The following ATM variants were observed in gnomAD, a reference collection of about 807,000 sequenced individuals.
ATM encodes the protein serine-protein kinase ATM.
ATM carries 308 observed loss-of-function variants against 387.0 expected under a neutral mutation model. The ratio of observed to expected loss-of-function variants is 0.80; its 90% CI spans 0.73 to 0.87. The LOEUF is 0.87. Ranked by LOEUF, ATM falls within the 40% of genes least tolerant of loss-of-function variation. ATM has a pLI of 0.00. For synonymous variants in ATM, 1,156 were observed against 1,187.3 expected (o/e 0.97, Z 0.54); for missense variants, 3,312 against 3,560.9 (o/e 0.93, Z 1.78).
chr11:108,330,465 C>T (rs775822418), intron 50 of ATM, 44 bp downstream of exon 50: 1 of 1,593,032 alleles, frequency 6.3e-7, no homozygotes, highest in South Asian at 1.1e-5. Flanking sequence ...GCTTGAAAAA[C>T]TTAGACATAA....
In ATM at chr11:108,327,643, A is replaced by T. The variant is rs587782403; in HGVS notation, c.6976-2A>T. ...TTTTAAGATTTTGCCTTTCTTATAC[A>T]GAACAATCCCAGCCTAAAACTTACA... is the stretch of plus-strand genomic sequence containing the variant. On this transcript the variant is annotated splice_acceptor_variant, in intron 47 of 62. Coordinates refer to ENST00000675843, the MANE Select transcript of ATM (RefSeq NM_000051.4). LOFTEE classifies it high-confidence loss of function. 6.2e-7 allele frequency: 1 copy of T among 1,612,802 alleles called. No individual in the cohort carries two copies. The highest frequency in any genetic ancestry group is 1.7e-5 in the Admixed American group (1 of 59,998).
chr11:108,233,569 CAAAAAAAAAA>C (rs531411723), intron 4 of ATM, among the ~76,000 whole-genome samples: 2 of 50,922 alleles, frequency 3.9e-5, no homozygotes, highest in Non-Finnish European at 8.2e-5. Flanking sequence ...ATCCTGTGTC[CAAAAAAAAAA>C]AAAAAAAAAA....
chr11:108,232,095 C>T (rs1193210773), intron 4 of ATM, among the ~76,000 whole-genome samples: 2 of 152,202 alleles, frequency 1.3e-5, no homozygotes, highest in African/African-American at 4.8e-5. Flanking sequence ...GTAGTTTTGC[C>T]TTGCAGTGAA....
Position 108,244,207 on chromosome 11 carries a change from C to T in ATM, c.662+89C>T, listed in dbSNP as rs1591501121. 3 of 1,451,374 alleles carry T rather than the reference C, an allele frequency of 2.1e-6. No individual in the cohort carries two copies. In the East Asian group the frequency reaches 6.9e-5, roughly 33 times the overall value. The allele number at this position is 1,451,374 out of a possible 1,614,324, so 89.9% of individuals were successfully genotyped here. ...TTAGACTCAGTAACTAAAAATTCTA[C>T]CTTAAAATAAAACATTGATCCATCA... On this transcript the variant is annotated intron_variant, in intron 6 of 62. Transcript: ENST00000675843.
chr11:108,294,269 T>C (rs4988011), intron 31 of ATM, among the ~76,000 whole-genome samples: 3,249 of 152,284 alleles, frequency 0.021, 85 homozygotes, highest in African/African-American at 0.067. Context: ...TCCATACATA[T>C]CTTAATTATA....
At chr11:108,341,342 C>T (rs1246092497) in intron 56 of ATM, among the ~76,000 whole-genome samples, 1 of 152,106 alleles carries the variant, frequency 6.6e-6, no homozygotes, top group African/African-American at 2.4e-5. Flanking sequence ...TGCCATTACC[C>T]ACTTTCTCTC....
intron 29 of ATM, among the ~76,000 whole-genome samples, chr11:108,291,375 T>C (rs1254129993): frequency 6.6e-6 from 1 of 152,222 alleles, no homozygotes. Context: ...ACATAAAATT[T>C]TTTATTTTCG....
chr11:108,250,710 T>G lies in ATM; in HGVS notation c.1245T>G (p.Ile415Met), dbSNP rs1060501554. ...TTTTTTTTTTTTTTAGGCTACAGAT[T>G]GCAACCCAATTAATATCAAAGTATC... is the stretch of plus-strand genomic sequence containing the variant. ...NDFDLVPWLQ[I>M]ATQLISKYPA... is the part of the protein sequence containing the mutation. Residue 415 changes from isoleucine to methionine, a missense_variant, in exon 10 of 63, where the codon ATT (isoleucine) becomes ATG (methionine). Ile to Met is a conservative substitution (Grantham distance 10). Coordinates refer to ENST00000675843, the MANE Select transcript of ATM (RefSeq NM_000051.4). The G allele has an allele frequency of 1.2e-6, 2 of 1,605,190 alleles. No homozygotes were observed. The highest frequency in any genetic ancestry group is 8.5e-7 in the Non-Finnish European group (1 of 1,179,120).
intron 16 of ATM, among the ~76,000 whole-genome samples, chr11:108,265,894 C>T (rs1231658798): frequency 7.0e-6 from 1 of 142,402 alleles, no homozygotes; most frequent in Non-Finnish European, 1.5e-5. Flanking sequence ...TGCTCATCAT[C>T]ACTGGCCATC....
At chr11:108,243,090 G>A (rs999383320) in intron 5 of ATM, among the ~76,000 whole-genome samples, 1 of 151,754 alleles carries the variant, frequency 6.6e-6, no homozygotes, top group African/African-American at 2.4e-5. Flanking sequence ...TGGTGGTGTG[G>A]GCCTCTAGAC....
chr11:108,272,500 T>C (rs2135564162), intron 20 of ATM, 32 bp from the exon 21 acceptor site: 1 of 1,538,432 alleles, frequency 6.5e-7, no homozygotes, highest in South Asian at 1.1e-5. Context: ...TCAGAATGAT[T>C]ATTTAACTTT....
chr11:108,326,333 A>G, intron 47 of ATM, 108 bp downstream of exon 47: 1 of 1,385,542 alleles, frequency 7.2e-7, no homozygotes, highest in Non-Finnish European at 9.8e-7. Context: ...TGAAATTAGT[A>G]ATTTATTAAC....
chr11:108,290,008 C>T (rs996581866), intron 29 of ATM: 14 of 494,634 alleles, frequency 2.8e-5, no homozygotes, highest in African/African-American at 2.5e-4. Flanking sequence ...CAGGAGCATA[C>T]CACCATGCCT....
chr11:108,266,197 T>G (rs528151907), intron 16 of ATM, among the ~76,000 whole-genome samples: 1 of 148,434 alleles, frequency 6.7e-6, no homozygotes, highest in Non-Finnish European at 1.5e-5. Context: ...ATGTTTATTG[T>G]GGCATTATTC....
intron 38 of ATM, among the ~76,000 whole-genome samples, chr11:108,309,881 A>G (rs1480985404): frequency 6.6e-6 from 1 of 152,116 alleles, no homozygotes; most frequent in Non-Finnish European, 1.5e-5. Flanking sequence ...TAGAGAGCAG[A>G]TATGAACCCC....
intron 33 of ATM, among the ~76,000 whole-genome samples, chr11:108,297,887 T>G (rs748963363): frequency 6.6e-6 from 1 of 152,206 alleles, no homozygotes; most frequent in Non-Finnish European, 1.5e-5. Context: ...GTGTATAACT[T>G]AATTTGAAAA....
At chr11:108,326,348 T>C (rs2085688114) in intron 47 of ATM, 123 bp downstream of exon 47, 1 of 1,318,184 alleles carries the variant, frequency 7.6e-7, no homozygotes, top group Admixed American at 2.5e-5. Context: ...ATTAACAAGA[T>C]ATTGTAAAAC....
intron 47 of ATM, among the ~76,000 whole-genome samples, chr11:108,326,878 T>A (rs2085731372): frequency 6.6e-6 from 1 of 152,136 alleles, no homozygotes; most frequent in Non-Finnish European, 1.5e-5. Context: ...CAGGCTGGAG[T>A]GCAGTGGTAC....
chr11:108,313,214 C>T (rs560234389), intron 40 of ATM, among the ~76,000 whole-genome samples: 1 of 152,268 alleles, frequency 6.6e-6, no homozygotes, highest in South Asian at 2.1e-4. Flanking sequence ...TTCTCAGGTG[C>T]TTTATTTTTT....
Sources: gnomAD v4.1 joint callset for allele counts (sites outside exome capture counted in the v4.1 genomes callset) on GRCh38, gnomAD v4.1.1 for gene constraint, MANE v1.5 for transcripts, NCBI Gene and HGNC (gene_info 2026-07-23, HGNC 2026-07-21) for gene names.